The following SCN7A variants were observed in gnomAD, a reference collection of about 807,000 sequenced individuals.
The protein encoded by SCN7A is sodium voltage-gated channel alpha subunit 7, also known as sodium channel protein type 7 subunit alpha.
A neutral mutation model predicts 155.2 loss-of-function variants in SCN7A; 138 were observed. That is an observed-to-expected ratio of 0.89 (90% CI 0.77 to 1.02). The LOEUF is 1.02. Ranked by LOEUF, SCN7A falls within the 50% of genes least tolerant of loss-of-function variation. SCN7A has a pLI of 0.00. For missense variants in SCN7A, 2,058 were observed against 1,986.6 expected (o/e 1.04, Z -0.68); for synonymous variants, 693 against 649.0 (o/e 1.07, Z -1.03).
intron 2 of SCN7A, among the ~76,000 whole-genome samples, chr2:166,484,342 G>A (rs770381103): frequency 4.6e-5 from 7 of 151,686 alleles, no homozygotes; most frequent in Non-Finnish European, 8.9e-5. Flanking sequence ...TAATTAAACT[G>A]TATGTATGTG....
rs1211552123 is a variant in SCN7A, at chr2:166,427,911, G to A, written c.2730C>T (p.Ile910=). Residue 910 remains isoleucine (I), a synonymous_variant, in exon 18 of 26, where the codon ATC becomes ATT. Transcript: ENST00000643258. Reference sequence around the variant, plus strand: ...TTTTTCCTTTCTTGGATGCTCCACTGATTTGACCAAGTGAAGATCCGCGTC... The same window carrying A: ...TTTTTCCTTTCTTGGATGCTCCACTAATTTGACCAAGTGAAGATCCGCGTC... ...GCRRGSSLGQ[I]SGASKKGKIW... 6.2e-7 allele frequency: 1 copy of A among 1,612,818 alleles called. No individual in the cohort carries two copies. Among genetic ancestry groups the A allele is most frequent in the East Asian group, 2.2e-5 (1 of 44,832 alleles).
At chr2:166,469,157 T>C (rs988272307) in intron 7 of SCN7A, among the ~76,000 whole-genome samples, 20 of 151,610 alleles carry the variant, frequency 1.3e-4, no homozygotes, top group Admixed American at 1.1e-3. Context: ...ATGCATAAGA[T>C]GGAATTTAGT....
intron 3 of SCN7A, among the ~76,000 whole-genome samples, chr2:166,476,026 G>A (rs1702789751): frequency 6.6e-6 from 1 of 151,836 alleles, no homozygotes; most frequent in Non-Finnish European, 1.5e-5. Flanking sequence ...TATCCCTACA[G>A]TTACTGTGCC....
chr2:166,418,284 C>CTTTTTTT (rs71031244), intron 20 of SCN7A, among the ~76,000 whole-genome samples: 2 of 60,674 alleles, frequency 3.3e-5, no homozygotes, highest in African/African-American at 1.4e-4. Context: ...CCCCGCCAGG[C>CTTTTTTT]TTTTTTTTTT....
chr2:166,415,275 A>C (rs1575005672), intron 21 of SCN7A, among the ~76,000 whole-genome samples: 1 of 144,544 alleles, frequency 6.9e-6, no homozygotes, highest in Non-Finnish European at 1.5e-5. Context: ...ACCAGACTGG[A>C]GAGCAGTGGA....
chr2:166,484,782 C>T (rs1173520157), intron 2 of SCN7A, among the ~76,000 whole-genome samples: 1 of 151,890 alleles, frequency 6.6e-6, no homozygotes, highest in Non-Finnish European at 1.5e-5. Flanking sequence ...ATAACAGTAT[C>T]TTAAAGGTGT....
intron 2 of SCN7A, among the ~76,000 whole-genome samples, chr2:166,484,847 A>C (rs1703010238): frequency 6.6e-6 from 1 of 152,064 alleles, no homozygotes; most frequent in African/African-American, 2.4e-5. Flanking sequence ...AATACTCTTC[A>C]AGAATGAAGA....
intron 1 of SCN7A, among the ~76,000 whole-genome samples, chr2:166,491,220 A>G (rs1683094443): frequency 6.6e-6 from 1 of 152,150 alleles, no homozygotes; most frequent in Non-Finnish European, 1.5e-5. Flanking sequence ...TCATAATATC[A>G]GACCTTTCTA....
At chr2:166,429,088 C>G (rs1216259502) in intron 17 of SCN7A, 81 bp downstream of exon 17, 11 of 667,028 alleles carry the variant, frequency 1.6e-5, no homozygotes, top group Non-Finnish European at 2.7e-5. Context: ...AATTGACTGA[C>G]ATACTGGATA....
chr2:166,443,212 C>A (rs1701996053), intron 14 of SCN7A, among the ~76,000 whole-genome samples: 1 of 152,098 alleles, frequency 6.6e-6, no homozygotes, highest in Non-Finnish European at 1.5e-5. Flanking sequence ...ACTTTGGAGA[C>A]TCCTCATTTT....
chr2:166,444,977 A>T lies in SCN7A; in HGVS notation c.1411T>A (p.Cys471Ser). ...KEELEKSKKI[C>S]PLYWYKFAKT... ...GCAAACTTATACCAGTATAATGGGC[A>T]TATCTTCTTGGATTTTTCAAGTTCT... Residue 471 changes from cysteine (C) to serine (S), a missense_variant, in exon 13 of 26, where the codon TGC (cysteine) becomes AGC (serine). Physicochemically the swap from Cys to Ser is moderately radical, Grantham distance 112 (BLOSUM62 -1). Coordinates refer to ENST00000643258, the MANE Select transcript of SCN7A (RefSeq NM_002976.4). The T allele has an allele frequency of 6.2e-7, 1 of 1,609,418 alleles. No homozygotes were observed. The highest frequency in any genetic ancestry group is 8.5e-7 in the Non-Finnish European group (1 of 1,176,606).
chr2:166,445,075 G>A lies in SCN7A; in HGVS notation c.1388-75C>T, dbSNP rs1182418228. 3.5e-6 allele frequency: 3 copies of A among 853,950 alleles called. No individual in the cohort carries two copies. In the African/African-American group the frequency reaches 5.1e-5, roughly 14 times the overall value. The allele number at this position is 853,950 out of a possible 1,614,324, so 52.9% of individuals were successfully genotyped here. ...TCATGCCTGTAATCCCAGCACTTTGGGAAGCCGAGGTGGGTGAATCACTTA... is the reference window on the plus strand; with the variant it reads ...TCATGCCTGTAATCCCAGCACTTTGAGAAGCCGAGGTGGGTGAATCACTTA... On this transcript the variant is annotated intron_variant, in intron 12 of 25. Coordinates refer to ENST00000643258, the MANE Select transcript of SCN7A (RefSeq NM_002976.4).
chr2:166,441,142 T>C (rs1007839417), intron 15 of SCN7A: 20 of 437,684 alleles, frequency 4.6e-5, no homozygotes, highest in Admixed American at 3.9e-5. Context: ...ATGCATTCAA[T>C]ATAAAAATTA....
intron 13 of SCN7A, among the ~76,000 whole-genome samples, chr2:166,444,377 A>G (rs191903690): frequency 6.6e-6 from 1 of 152,306 alleles, no homozygotes; most frequent in East Asian, 1.9e-4. Context: ...TTTAATCAGA[A>G]TTAAGAATTC....
At position 166,432,219 on chromosome 2, in the gene SCN7A, G is replaced by A. The variant is rs1701746457; in HGVS notation, c.2592+99C>T. ...AGCTAGGAGTGATGGAGTTAGAATT[G>A]AGTGGATAATCTGGCTGTGGAACTT... On this transcript the variant is annotated intron_variant, in intron 16 of 25. Coordinates refer to ENST00000643258, the MANE Select transcript of SCN7A (RefSeq NM_002976.4). 4 of 842,800 alleles carry A rather than the reference G, an allele frequency of 4.7e-6. No homozygotes were observed. The African/African-American group carries it at 6.8e-5, about 14-fold the overall frequency. The allele number at this position is 842,800 out of a possible 1,614,324, so 52.2% of individuals were successfully genotyped here. A position where few individuals can be genotyped will look rare whatever the true frequency, so the allele number is the denominator to read the frequency against.
Position 166,474,225 on chromosome 2 carries a change from T to C in SCN7A, c.353+1A>G. The C allele has an allele frequency of 3.6e-6, 5 of 1,408,148 alleles. No individual in the cohort carries two copies. Among genetic ancestry groups the C allele is most frequent in the South Asian group, 1.4e-5 (1 of 73,520 alleles). 87.2% of individuals were successfully genotyped at this position (1,408,148 alleles called of 1,614,324 possible). The stretch of plus-strand genomic sequence containing the variant: ...GTCAACAAGTCAACAGAAAAGGATA[T>C]GGATGTACCAAAACCTTGATAGTTG... On this transcript the variant is annotated splice_donor_variant, in intron 4 of 25. Coordinates refer to ENST00000643258, the MANE Select transcript of SCN7A (RefSeq NM_002976.4). LOFTEE classifies it high-confidence loss of function.
In SCN7A at chr2:166,427,859, A is replaced by G. The variant is rs758948938; in HGVS notation, c.2782T>C (p.Cys928Arg). ...AACCAATTGTTCTCTACAATCTTGCAGCAGGTTTTCCTGATGTTCTGCCAG... is the reference window on the plus strand; with the variant it reads ...AACCAATTGTTCTCTACAATCTTGCGGCAGGTTTTCCTGATGTTCTGCCAG... ...KIWQNIRKTCCKIVENNWFKC... is the reference protein window; with the variant it reads ...KIWQNIRKTCRKIVENNWFKC... The change falls in exon 18 of 26, where the codon TGC (cysteine) becomes CGC (arginine). Residue 928 changes from cysteine to arginine, a missense_variant. Cys to Arg is a radical substitution (Grantham distance 180, BLOSUM62 -3). Coordinates refer to ENST00000643258, the MANE Select transcript of SCN7A (RefSeq NM_002976.4). 1.9e-6 allele frequency: 3 copies of G among 1,612,696 alleles called. No individual in the cohort carries two copies. Among genetic ancestry groups the G allele is most frequent in the Non-Finnish European group, 2.5e-6 (3 of 1,179,262 alleles).
Position 166,406,566 on chromosome 2 carries a change from G to A in SCN7A, c.4063C>T (p.His1355Tyr), listed in dbSNP as rs752225610. Residue 1355 changes from histidine to tyrosine, a missense_variant, in exon 26 of 26, where the codon CAC becomes TAC. Physicochemically the swap from His to Tyr is moderately conservative, Grantham distance 83. Transcript: ENST00000643258. ...GGTCCTTTTCCAAGACGCAGCATGTGAATGATCCGTGAGAGAAGTATCAGT... is the reference window on the plus strand; with the variant it reads ...GGTCCTTTTCCAAGACGCAGCATGTAAATGATCCGTGAGAGAAGTATCAGT... ...VQLILLSRII[H>Y]MLRLGKGPKV... is the part of the protein sequence containing the mutation. The A allele has an allele frequency of 4.3e-6, 7 of 1,612,862 alleles. No homozygotes were observed. Among genetic ancestry groups the A allele is most frequent in the Non-Finnish European group, 5.9e-6 (7 of 1,179,224 alleles).
intron 12 of SCN7A, among the ~76,000 whole-genome samples, chr2:166,446,871 C>A (rs541091013): frequency 6.6e-6 from 1 of 151,916 alleles, no homozygotes; most frequent in Non-Finnish European, 1.5e-5. Flanking sequence ...AGGGACCTGT[C>A]GGTGGGTAGG....
Sources: allele counts gnomAD v4.1 joint callset (sites outside exome capture counted in the v4.1 genomes callset), GRCh38; gene constraint gnomAD v4.1.1; transcripts MANE v1.5; gene names NCBI Gene and HGNC (gene_info 2026-07-23, HGNC 2026-07-21).